The following FGF18 variants were observed in gnomAD, a reference collection of about 807,000 sequenced individuals.
FGF18 encodes the protein fibroblast growth factor 18.
A neutral mutation model predicts 23.0 loss-of-function variants in FGF18; 5 were observed. The ratio of observed to expected loss-of-function variants is 0.22; its 90% CI spans 0.11 to 0.46. The LOEUF is 0.46. Ranked by LOEUF, FGF18 falls within the 20% of genes least tolerant of loss-of-function variation. The pLI is 0.99. For synonymous variants in FGF18, 117 were observed against 118.9 expected, an observed-to-expected ratio of 0.98 and a Z score of 0.10; for missense variants, 180 against 291.6, an observed-to-expected ratio of 0.62 and a Z score of 2.79.
Position 171,456,130 on chromosome 5 carries a change from G to A in FGF18, c.358-409G>A, listed in dbSNP as rs1772576281. ...TGAACCTTCTCTTATGCCCATCTGTGCACTTCTTTGTAAAATCCAGTTTTA... is the reference window on the plus strand; with the variant it reads ...TGAACCTTCTCTTATGCCCATCTGTACACTTCTTTGTAAAATCCAGTTTTA... On this transcript the variant is annotated intron_variant, in intron 4 of 4. Coordinates refer to ENST00000274625, the MANE Select transcript of FGF18 (RefSeq NM_003862.3). The surrounding 1 kb of genome is among the most constrained non-coding windows in gnomAD (Gnocchi z 6.1). Among the ~76,000 whole-genome samples, 1 of 152,082 alleles carries A rather than the reference G, an allele frequency of 6.6e-6. No individual in the cohort carries two copies. Among genetic ancestry groups the A allele is most frequent in the Non-Finnish European group, 1.5e-5 (1 of 68,024 alleles).
chr5:171,423,696 G>A (rs1040379233), intron 2 of FGF18, among the ~76,000 whole-genome samples: 2 of 151,798 alleles, frequency 1.3e-5, no homozygotes, highest in Non-Finnish European at 2.9e-5. Flanking sequence ...CTTTCTTTAA[G>A]CTGGTTAGGA....
chr5:171,443,762 C>G (rs936068693), intron 3 of FGF18, among the ~76,000 whole-genome samples: 10 of 152,202 alleles, frequency 6.6e-5, no homozygotes, highest in Non-Finnish European at 1.3e-4. Context: ...ACTCTTTCCC[C>G]CTTTGCTGCT....
Position 171,456,954 on chromosome 5 carries a change from C to G in FGF18, c.*149C>G. Reference sequence around the variant, plus strand: ...AGAAGACAAAAACTGAACCAAAACTCTTGGGGGGAGGGGTGATAAGGATTT... The same window carrying G: ...AGAAGACAAAAACTGAACCAAAACTGTTGGGGGGAGGGGTGATAAGGATTT... On this transcript the variant is annotated 3_prime_UTR_variant, in exon 5 of 5. Transcript: ENST00000274625. This position sits in a 1 kb window ranked among gnomAD's most constrained non-coding sequence, Gnocchi z 6.1. 2.0e-6 allele frequency: 2 copies of G among 1,007,362 alleles called. No homozygotes were observed. Among genetic ancestry groups the G allele is most frequent in the Non-Finnish European group, 2.8e-6 (2 of 709,398 alleles). The allele number at this position is 1,007,362 out of a possible 1,614,324, so 62.4% of individuals were successfully genotyped here. A position where few individuals can be genotyped will look rare whatever the true frequency, so the allele number is the denominator to read the frequency against.
intron 4 of FGF18, among the ~76,000 whole-genome samples, chr5:171,452,579 G>A (rs1772532655): frequency 6.6e-6 from 1 of 152,144 alleles, no homozygotes; most frequent in South Asian, 2.1e-4. Context: ...CCCAGGAGGT[G>A]GCGCTTCCTT....
Position 171,420,459 on chromosome 5 carries a change from A to C in FGF18, c.69+16A>C. 1 of 1,610,844 alleles carries C rather than the reference A, an allele frequency of 6.2e-7. No individual in the cohort carries two copies. The highest frequency in any genetic ancestry group is 8.5e-7 in the Non-Finnish European group (1 of 1,178,562). ...CCAGGTACAGGTACGTGGGCTCCTG[A>C]CTTTGACCTCCTCCCGCCCCTGCCT... is the stretch of plus-strand genomic sequence containing the variant. On this transcript the variant is annotated intron_variant, in intron 2 of 4. Coordinates refer to ENST00000274625, the MANE Select transcript of FGF18 (RefSeq NM_003862.3).
chr5:171,443,630 G>T (rs1473852466), intron 3 of FGF18, among the ~76,000 whole-genome samples: 1 of 148,746 alleles, frequency 6.7e-6, no homozygotes, highest in Non-Finnish European at 1.5e-5. Flanking sequence ...GATTACAGGC[G>T]TGAGCCACCG....
chr5:171,445,508 G>A (rs988118347), intron 3 of FGF18, among the ~76,000 whole-genome samples: 1 of 151,156 alleles, frequency 6.6e-6, no homozygotes, highest in Admixed American at 6.6e-5. Context: ...ACAGGTGTGC[G>A]CCACAATGCC....
intron 3 of FGF18, among the ~76,000 whole-genome samples, chr5:171,437,598 G>A (rs1381428554): frequency 2.6e-5 from 4 of 151,764 alleles, no homozygotes; most frequent in East Asian, 1.9e-4. Flanking sequence ...TCCCTCCTTC[G>A]GACCACAGCT....
chr5:171,448,319 C>T (rs1581278772), intron 3 of FGF18, among the ~76,000 whole-genome samples: 1 of 152,000 alleles, frequency 6.6e-6, no homozygotes, highest in Non-Finnish European at 1.5e-5. Context: ...TTGGTGGCCT[C>T]CATGGACGGC....
chr5:171,428,859 T>C (rs1772136875), intron 2 of FGF18, among the ~76,000 whole-genome samples: 1 of 152,180 alleles, frequency 6.6e-6, no homozygotes, highest in Non-Finnish European at 1.5e-5. Context: ...GTTGGCTGCC[T>C]GCAGCAGCGG....
intron 3 of FGF18, among the ~76,000 whole-genome samples, chr5:171,443,596 C>A (rs1381977467): frequency 1.4e-5 from 2 of 140,114 alleles, no homozygotes; most frequent in Admixed American, 7.9e-5. Context: ...GTGATCCACC[C>A]ACCTTGGCCT....
At chr5:171,449,051 C>T in intron 3 of FGF18, 96 bp from the exon 4 acceptor site, 1 of 896,552 alleles carries the variant, frequency 1.1e-6, no homozygotes, top group Non-Finnish European at 1.8e-6. Flanking sequence ...GAGTGAGGGA[C>T]CAAAGATAGG....
At chr5:171,453,285 G>A (rs1211275085) in intron 4 of FGF18, among the ~76,000 whole-genome samples, 1 of 152,188 alleles carries the variant, frequency 6.6e-6, no homozygotes, top group African/African-American at 2.4e-5. Flanking sequence ...TCACGCAGGG[G>A]AACTTGTGAT....
intron 3 of FGF18, among the ~76,000 whole-genome samples, chr5:171,444,842 G>A (rs10062980): frequency 0.027 from 4,182 of 152,278 alleles, 198 homozygotes; most frequent in African/African-American, 0.096. Flanking sequence ...ATTAAAACTG[G>A]CTTACTGGTC....
chr5:171,424,042 G>GGTGTGAGCC (rs1293504978), intron 2 of FGF18, among the ~76,000 whole-genome samples: 1 of 152,174 alleles, frequency 6.6e-6, no homozygotes, highest in Non-Finnish European at 1.5e-5. Flanking sequence ...TGGGATTACA[G>GGTGTGAGCC]GTGTGAGCCA....
intron 4 of FGF18, 137 bp downstream of exon 4, chr5:171,449,390 TGTGTGTGTGTGAGA>T (rs1433132212): frequency 2.0e-4 from 104 of 518,136 alleles, no homozygotes; most frequent in African/African-American, 1.8e-3. Flanking sequence ...TGTGTGTGTG[TGTGTGTGTGTGAGA>T]GAGAGAGAGA....
intron 3 of FGF18, among the ~76,000 whole-genome samples, chr5:171,442,508 C>T (rs1345747593): frequency 6.6e-6 from 1 of 152,196 alleles, no homozygotes; most frequent in Non-Finnish European, 1.5e-5. Context: ...GGCCAGCTAC[C>T]GTCCAGCCCT....
intron 4 of FGF18, among the ~76,000 whole-genome samples, chr5:171,452,525 G>A (rs1336966517): frequency 6.6e-6 from 1 of 152,112 alleles, no homozygotes; most frequent in African/African-American, 2.4e-5. Flanking sequence ...ATGTTCAGGC[G>A]GCCCCCCTTC....
intron 2 of FGF18, among the ~76,000 whole-genome samples, chr5:171,427,834 G>A (rs76314553): frequency 0.1 from 15,319 of 152,200 alleles, 838 homozygotes; most frequent in East Asian, 0.16. Flanking sequence ...CCTTGGAATC[G>A]CATAGCGCTT....
Sources: gnomAD v4.1 joint callset for allele counts (sites outside exome capture counted in the v4.1 genomes callset) on GRCh38, gnomAD v4.1.1 for gene constraint, Gnocchi (gnomAD v3.1) non-coding constraint, MANE v1.5 for transcripts, NCBI Gene and HGNC (gene_info 2026-07-23, HGNC 2026-07-21) for gene names.